Variants in HIVEP2 observed in about 807,000 individuals in gnomAD.
The protein encoded by HIVEP2 is HIVEP zinc finger 2.
HIVEP2 carries 14 observed loss-of-function variants against 180.7 expected under a neutral mutation model. The observed-to-expected ratio is 0.08, with a 90% CI of 0.05 to 0.12. The LOEUF (loss-of-function observed/expected upper bound fraction) is 0.12, where lower values mean the gene tolerates loss of function less well. Among genes scored for constraint, HIVEP2 ranks in the 10% least tolerant of loss-of-function variants. The probability of loss-of-function intolerance (pLI) is 1.00; values close to 1 mark genes in which losing one functional copy is unlikely to be tolerated. For synonymous variants in HIVEP2, 1,184 were observed against 1,136.4 expected, an observed-to-expected ratio of 1.04 and a Z score of -0.84; for missense variants, 2,579 against 3,008.5, an observed-to-expected ratio of 0.86 and a Z score of 3.34.
intron 4 of HIVEP2, among the ~76,000 whole-genome samples, chr6:142,775,663 C>T (rs1174563505): frequency 2.0e-5 from 3 of 151,886 alleles, no homozygotes; most frequent in Non-Finnish European, 4.4e-5. Context: ...GGTGAAACCC[C>T]GTCTCTACTA....
At chr6:142,844,046 C>G (rs1775442104) in intron 1 of HIVEP2, among the ~76,000 whole-genome samples, 1 of 152,150 alleles carries the variant, frequency 6.6e-6, no homozygotes, top group South Asian at 2.1e-4. Flanking sequence ...CATACCCACA[C>G]AACACCCTCA....
chr6:142,878,722 C>G (rs749089226), intron 1 of HIVEP2, among the ~76,000 whole-genome samples: 38 of 152,272 alleles, frequency 2.5e-4, no homozygotes, highest in South Asian at 6.2e-4. Flanking sequence ...TCTCAGTTGA[C>G]AGCCCCAGAT....
chr6:142,778,894 T>G (rs1775770995), intron 3 of HIVEP2, among the ~76,000 whole-genome samples: 1 of 152,216 alleles, frequency 6.6e-6, no homozygotes, highest in Non-Finnish European at 1.5e-5. Flanking sequence ...TGTCTCAACT[T>G]TTAATGGTTC....
At chr6:142,858,101 G>A (rs190022032) in intron 1 of HIVEP2, among the ~76,000 whole-genome samples, 107 of 152,340 alleles carry the variant, frequency 7.0e-4, no homozygotes, top group African/African-American at 2.6e-3. Context: ...AGCCCTTACT[G>A]ATGAAGGCTG....
rs573883537 is a variant in HIVEP2, at chr6:142,754,437, G to A, written c.6517-506C>T. On this transcript the variant is annotated intron_variant, in intron 9 of 9. Transcript: ENST00000367603. ...AATTGGAATGACAAGTCTGAAAATTGGCTTTTTTAAAAAGTTTTCCACAGA... is the reference window on the plus strand; with the variant it reads ...AATTGGAATGACAAGTCTGAAAATTAGCTTTTTTAAAAAGTTTTCCACAGA... Among the ~76,000 whole-genome samples the A allele has an allele frequency of 2.0e-4, 30 of 152,048 alleles. 2 individuals carry two copies. Among genetic ancestry groups the A allele is most frequent in the Non-Finnish European group, 1.6e-4 (11 of 68,016 alleles).
rs1036351011 is a variant in HIVEP2 at position 142,867,437 on chromosome 6, G to C, written c.-640-30390C>G. Among the ~76,000 whole-genome samples the C allele has an allele frequency of 1.3e-5, 2 of 152,140 alleles. 1 individual carries two copies. The highest frequency in any genetic ancestry group is 3.8e-4 in the East Asian group (2 of 5,202). On this transcript the variant is annotated intron_variant, in intron 1 of 9. Transcript: ENST00000367603. ...TCAAAGATAAAAAAGTATCTGGCTT[G>C]AAGTGCCTTCTACAAGCCAGTTGTT... is the stretch of plus-strand genomic sequence containing the variant.
At chr6:142,820,007 G>A (rs1464947096) in intron 2 of HIVEP2, among the ~76,000 whole-genome samples, 2 of 152,048 alleles carry the variant, frequency 1.3e-5, no homozygotes, top group Admixed American at 1.3e-4. Flanking sequence ...GAGGCGGCTG[G>A]AGCACTCCCA....
In HIVEP2 at chr6:142,768,526, T is replaced by C. The variant is rs763668039; in HGVS notation, c.5198A>G (p.Asp1733Gly). 3 of 1,613,246 alleles carry C rather than the reference T, an allele frequency of 1.9e-6. No homozygotes were observed. Among genetic ancestry groups the C allele is most frequent in the South Asian group, 2.2e-5 (2 of 90,990 alleles). ...TTTGCTGCCAAATAAAAAGGACGCATCAGGTTTCATCTGTAAGACAAGAAG... is the reference window on the plus strand; with the variant it reads ...TTTGCTGCCAAATAAAAAGGACGCACCAGGTTTCATCTGTAAGACAAGAAG... ...AWKQFTQMKP[D>G]ASFLFGSKLE... Residue 1733 changes from aspartate to glycine, a missense_variant, in exon 6 of 10, where the codon GAT (aspartate) becomes GGT (glycine). Physicochemically the swap from Asp to Gly is moderately conservative, Grantham distance 94. This residue lies in a region of HIVEP2 where 349 missense variants were observed against 367.2 expected (regional missense o/e 0.95). Coordinates refer to ENST00000367603, the MANE Select transcript of HIVEP2 (RefSeq NM_006734.4).
chr6:142,914,107 G>C (rs1036557508), intron 1 of HIVEP2, among the ~76,000 whole-genome samples: 1 of 152,152 alleles, frequency 6.6e-6, no homozygotes, highest in African/African-American at 2.4e-5. Context: ...AGCTAACACT[G>C]CGTATCCGTA....
chr6:142,904,046 C>T, intron 1 of HIVEP2, among the ~76,000 whole-genome samples: 1 of 152,154 alleles, frequency 6.6e-6, no homozygotes, highest in Non-Finnish European at 1.5e-5. Context: ...GACTGAGATG[C>T]AGCAAGCTCA....
intron 2 of HIVEP2, among the ~76,000 whole-genome samples, chr6:142,830,864 C>T (rs144917968): frequency 4.7e-4 from 71 of 152,288 alleles, no homozygotes; most frequent in African/African-American, 1.6e-3. Context: ...TGCACATCCA[C>T]ACAAGCTCAC....
Position 142,771,327 on chromosome 6 carries a change from G to T in HIVEP2, c.3412C>A (p.Gln1138Lys), listed in dbSNP as rs746033950. 3 of 1,613,100 alleles carry T rather than the reference G, an allele frequency of 1.9e-6. No homozygotes were observed. Among genetic ancestry groups the T allele is most frequent in the Non-Finnish European group, 2.5e-6 (3 of 1,180,008 alleles). ...AGCGGGGGACAAGGACCCGCCACCT[G>T]CTTCCCTGGGTCCTCTTGCTGAAGA... ...PPLQQEDPGK[Q>K]VAGPCPPLSS... Residue 1138 changes from glutamine to lysine, a missense_variant, in exon 5 of 10, where the codon CAG (glutamine) becomes AAG (lysine). By Grantham distance (53) the Gln-to-Lys change is moderately conservative (BLOSUM62 1). This residue lies in a region of HIVEP2 where 523 missense variants were observed against 577.0 expected (regional missense o/e 0.91). Coordinates refer to ENST00000367603, the MANE Select transcript of HIVEP2 (RefSeq NM_006734.4). The surrounding 1 kb of genome is among the most constrained non-coding windows in gnomAD (Gnocchi z 5.4).
In HIVEP2 at chr6:142,933,751, A is replaced by G. The variant is rs958139210; in HGVS notation, c.-641+11348T>C. ...CACACTCAGTGTCTAATTATTTGTT[A>G]TATTCTATACTGTCAGATTATTATT... On this transcript the variant is annotated intron_variant, in intron 1 of 9. Transcript: ENST00000367603. Among the ~76,000 whole-genome samples, 10 of 152,200 alleles carry G rather than the reference A, an allele frequency of 6.6e-5. No individual in the cohort carries two copies. In the East Asian group the frequency reaches 1.7e-3, roughly 26 times the overall value.
rs75753612 is a variant in HIVEP2, at chr6:142,899,720, G to C, written c.-641+45379C>G. The stretch of plus-strand genomic sequence containing the variant: ...GCTGAAAACAACATTTAGCTGTTGT[G>C]TAAGTGTCTGCAGGAACATAGCATC... On this transcript the variant is annotated intron_variant, in intron 1 of 9. Transcript: ENST00000367603. Among the ~76,000 whole-genome samples, 680 of 152,322 alleles carry C rather than the reference G, an allele frequency of 4.5e-3. 7 individuals are homozygous for C. The highest frequency in any genetic ancestry group is 0.022 in the East Asian group (116 of 5,180).
chr6:142,822,988 A>G (rs555864322), intron 2 of HIVEP2, among the ~76,000 whole-genome samples: 1 of 152,284 alleles, frequency 6.6e-6, no homozygotes, highest in African/African-American at 2.4e-5. Context: ...AGTCCCCTTA[A>G]AAAGTCCCAA....
intron 1 of HIVEP2, among the ~76,000 whole-genome samples, chr6:142,859,649 C>T (rs755097501): frequency 1.3e-5 from 2 of 151,726 alleles, no homozygotes; most frequent in Non-Finnish European, 2.9e-5. Flanking sequence ...GTCTGGCTAA[C>T]ATGGCGAAAC....
At chr6:142,801,661 T>C (rs769894899) in intron 2 of HIVEP2, among the ~76,000 whole-genome samples, 1 of 152,068 alleles carries the variant, frequency 6.6e-6, no homozygotes, top group East Asian at 1.9e-4. Context: ...TTCCCATCTA[T>C]AAAATGGACA....
chr6:142,944,079 A>G (rs1778243107), intron 1 of HIVEP2, among the ~76,000 whole-genome samples: 1 of 152,108 alleles, frequency 6.6e-6, no homozygotes, highest in Non-Finnish European at 1.5e-5. Flanking sequence ...TTTTAGTTAG[A>G]TGCTTTTAAG....
chr6:142,785,328 A>T (rs1314403911), intron 2 of HIVEP2, among the ~76,000 whole-genome samples: 3 of 145,528 alleles, frequency 2.1e-5, no homozygotes, highest in Admixed American at 6.8e-5. Context: ...AAAAAAAAAA[A>T]AAAAAAAAAA....
Sources: gnomAD v4.1 joint callset for allele counts (sites outside exome capture counted in the v4.1 genomes callset) on GRCh38, gnomAD v4.1.1 for gene constraint, gnomAD v4.1.1 regional missense constraint, Gnocchi (gnomAD v3.1) non-coding constraint, MANE v1.5 for transcripts, NCBI Gene and HGNC (gene_info 2026-07-23, HGNC 2026-07-21) for gene names.